FOSL2: variants seen among roughly 807,000 people sequenced by gnomAD.
The protein encoded by FOSL2 is FOS like 2, AP-1 transcription factor subunit.
A neutral mutation model predicts 27.7 loss-of-function variants in FOSL2; 3 were observed. The observed-to-expected ratio is 0.11, with a 90% CI of 0.05 to 0.28. The LOEUF (loss-of-function observed/expected upper bound fraction) is 0.28, where lower values mean the gene tolerates loss of function less well. FOSL2 is among the 10% of genes least tolerant of loss of function. The pLI is 1.00. For synonymous variants in FOSL2, 179 were observed against 190.1 expected (o/e 0.94, Z 0.48); for missense variants, 333 against 445.1 (o/e 0.75, Z 2.27).
At chr2:28,398,307 TC>T (rs1163058562) in intron 1 of FOSL2, among the ~76,000 whole-genome samples, 1 of 152,200 alleles carries the variant, frequency 6.6e-6, no homozygotes, top group Non-Finnish European at 1.5e-5. Context: ...CCTTCTCCAC[TC>T]CCTGGGCCAG....
intron 1 of FOSL2, among the ~76,000 whole-genome samples, chr2:28,403,064 C>CA (rs1664007442): frequency 6.6e-6 from 1 of 152,120 alleles, no homozygotes; most frequent in Non-Finnish European, 1.5e-5. Flanking sequence ...TATGTGGACA[C>CA]AGGAGTCATC....
At chr2:28,411,793 C>T in intron 3 of FOSL2, 137 bp from the exon 4 acceptor site, 1 of 850,644 alleles carries the variant, frequency 1.2e-6, no homozygotes, top group Non-Finnish European at 1.9e-6. Flanking sequence ...CTGAGAGACT[C>T]AGACCAGCGG....
chr2:28,406,508 T>G (rs938010703), intron 2 of FOSL2, among the ~76,000 whole-genome samples: 1 of 152,162 alleles, frequency 6.6e-6, no homozygotes, highest in Non-Finnish European at 1.5e-5. Flanking sequence ...AAGGGCCCTG[T>G]TAGAGTCTCA....
rs1023471385 is a variant in FOSL2, at chr2:28,392,892, C to G, written c.-829C>G. ...CATCTCGGGCAGAGCGCTAGGGCTC[C>G]GAGCGAACCAGCGAGCGAGCGAACG... On this transcript the variant is annotated 5_prime_UTR_variant, in exon 1 of 4. Transcript: ENST00000264716. 2 of 714,290 alleles carry G rather than the reference C, an allele frequency of 2.8e-6. No individual in the cohort carries two copies. Among genetic ancestry groups the G allele is most frequent in the African/African-American group, 1.8e-5 (1 of 57,034 alleles). The allele number at this position is 714,290 out of a possible 1,614,324, so 44.2% of individuals were successfully genotyped here.
At chr2:28,399,852 A>G (rs981160108) in intron 1 of FOSL2, among the ~76,000 whole-genome samples, 5 of 152,140 alleles carry the variant, frequency 3.3e-5, no homozygotes, top group Non-Finnish European at 5.9e-5. Context: ...ATTTGTTTAC[A>G]TGTTATCTAG....
intron 1 of FOSL2, chr2:28,396,805 C>CACACACACACACACACACACACAA (rs1663848679): frequency 6.7e-6 from 1 of 149,008 alleles, no homozygotes; most frequent in African/African-American, 2.5e-5. Context: ...CACACACACA[C>CACACACACACACACACACACACAA]ACACACACAC....
intron 2 of FOSL2, among the ~76,000 whole-genome samples, chr2:28,405,515 G>A (rs1664057957): frequency 6.6e-6 from 1 of 152,178 alleles, no homozygotes; most frequent in Non-Finnish European, 1.5e-5. Flanking sequence ...GATCCCCAGG[G>A]CCACAATGTT....
chr2:28,408,716 C>T lies in FOSL2; in HGVS notation c.355-43C>T. Reference sequence around the variant, plus strand: ...ACAGTTTTTAAAAAATACTGTGAACCATTGTCTCTGTTCTAACCATGATCC... The same window carrying T: ...ACAGTTTTTAAAAAATACTGTGAACTATTGTCTCTGTTCTAACCATGATCC... On this transcript the variant is annotated intron_variant, in intron 2 of 3. Transcript: ENST00000264716. The surrounding 1 kb of genome is among the most constrained non-coding windows in gnomAD (Gnocchi z 4.1). The T allele has an allele frequency of 7.3e-7, 1 of 1,373,712 alleles. No homozygotes were observed. Among genetic ancestry groups the T allele is most frequent in the South Asian group, 1.3e-5 (1 of 76,662 alleles). 85.1% of individuals were successfully genotyped at this position (1,373,712 alleles called of 1,614,324 possible).
chr2:28,401,613 G>A (rs1663975342), intron 1 of FOSL2, among the ~76,000 whole-genome samples: 1 of 152,112 alleles, frequency 6.6e-6, no homozygotes, highest in Non-Finnish European at 1.5e-5. Flanking sequence ...GGGACTTGGT[G>A]CTTCTACACA....
Position 28,393,772 on chromosome 2 carries a change from G to A in FOSL2, c.52G>A (p.Gly18Ser). 6.2e-7 allele frequency: 1 copy of A among 1,609,182 alleles called. No individual in the cohort carries two copies. The highest frequency in any genetic ancestry group is 8.5e-7 in the Non-Finnish European group (1 of 1,178,306). Reference protein sequence around the residue: ...NFDTSSRGSSGSPAHAESYSS... With the variant: ...NFDTSSRGSSSSPAHAESYSS... ...TGACACCTCGTCCCGGGGCAGCAGC[G>A]GCTCTCCTGCGCACGCCGAGTCCTA... The change falls in exon 1 of 4, where the codon GGC (glycine) becomes AGC (serine). Residue 18 changes from glycine to serine, a missense_variant. By Grantham distance (56) the Gly-to-Ser change is moderately conservative (BLOSUM62 0). Around this residue, in one of 4 missense-constraint regions of FOSL2, gnomAD observed 131 missense variants for 157.9 expected, o/e 0.83. Coordinates refer to ENST00000264716, the MANE Select transcript of FOSL2 (RefSeq NM_005253.4). This position sits in a 1 kb window ranked among gnomAD's most constrained non-coding sequence, Gnocchi z 4.6.
Position 28,404,806 on chromosome 2 carries a change from G to A in FOSL2, c.354+448G>A, listed in dbSNP as rs549467150. ...CAGGCCAGGCACCCAGCAGACCTAC[G>A]GGGTCAAGCTCTGGGTCGGTACTGC... is the stretch of plus-strand genomic sequence containing the variant. On this transcript the variant is annotated intron_variant, in intron 2 of 3. Coordinates refer to ENST00000264716, the MANE Select transcript of FOSL2 (RefSeq NM_005253.4). The surrounding 1 kb of genome is among the most constrained non-coding windows in gnomAD (Gnocchi z 4.7). Among the ~76,000 whole-genome samples the A allele has an allele frequency of 3.3e-5, 5 of 152,268 alleles. No homozygotes were observed. The highest frequency in any genetic ancestry group is 3.9e-4 in the East Asian group (2 of 5,174).
intron 1 of FOSL2, chr2:28,396,929 A>G (rs1415353785): frequency 2.0e-5 from 3 of 151,974 alleles, no homozygotes; most frequent in African/African-American, 4.8e-5. Flanking sequence ...GTGATTCCCA[A>G]GCTAGCCTCA....
At position 28,412,245 on chromosome 2, in the gene FOSL2, C is replaced by T; in HGVS notation, c.778C>T (p.Pro260Ser). The change falls in exon 4 of 4, where the codon CCC becomes TCC. Residue 260 changes from proline (P) to serine (S), a missense_variant. Around this residue, in one of 4 missense-constraint regions of FOSL2, gnomAD observed 136 missense variants for 123.7 expected, o/e 1.10. Coordinates refer to ENST00000264716, the MANE Select transcript of FOSL2 (RefSeq NM_005253.4). The surrounding 1 kb of genome is among the most constrained non-coding windows in gnomAD (Gnocchi z 7.1). ...TGCTGGGGGCTTCTACGGTGAGGAG[C>T]CCCTGCACACCCCCATCGTGGTGAC... ...SIAGGFYGEE[P>S]LHTPIVVTST... The T allele has an allele frequency of 6.2e-7, 1 of 1,613,922 alleles. No homozygotes were observed. Among genetic ancestry groups the T allele is most frequent in the South Asian group, 1.1e-5 (1 of 91,078 alleles).
In FOSL2 at chr2:28,393,819, G is replaced by A. The variant is rs1243410181; in HGVS notation, c.99G>A (p.Gln33=). ...AESYSSGGGG[Q]QKFRVDMPGS... is the part of the protein sequence containing the mutation. Reference sequence around the variant, plus strand: ...CCTACTCCAGCGGCGGCGGCGGCCAGCAGGTAGGTGCGGGCCCCGGTGCAC... The same window carrying A: ...CCTACTCCAGCGGCGGCGGCGGCCAACAGGTAGGTGCGGGCCCCGGTGCAC... The change falls in exon 1 of 4, where the codon CAG becomes CAA. Residue 33 remains glutamine (Q), a synonymous_variant. Coordinates refer to ENST00000264716, the MANE Select transcript of FOSL2 (RefSeq NM_005253.4). This position sits in a 1 kb window ranked among gnomAD's most constrained non-coding sequence, Gnocchi z 4.6. The A allele has an allele frequency of 6.3e-7, 1 of 1,592,616 alleles. No individual in the cohort carries two copies. The highest frequency in any genetic ancestry group is 1.7e-5 in the Admixed American group (1 of 57,688).
chr2:28,407,936 T>C (rs1664117243), intron 2 of FOSL2, among the ~76,000 whole-genome samples: 1 of 152,244 alleles, frequency 6.6e-6, no homozygotes, highest in Non-Finnish European at 1.5e-5. Flanking sequence ...CTAAGCTCTT[T>C]GCAGGGGAAT....
Position 28,413,054 on chromosome 2 carries a change from A to AC in FOSL2, c.*607dup, listed in dbSNP as rs1664236497. On this transcript the variant is annotated 3_prime_UTR_variant, in exon 4 of 4. Coordinates refer to ENST00000264716, the MANE Select transcript of FOSL2 (RefSeq NM_005253.4). The stretch of plus-strand genomic sequence containing the variant: ...GCAATACAGAGCCTTCCCTACCCTG[A>AC]CGCCTCCCAGTCATCATCTCCAGAA... 6.2e-6 allele frequency: 1 copy of AC among 162,184 alleles called. No homozygotes were observed. Among genetic ancestry groups the AC allele is most frequent in the Non-Finnish European group, 1.3e-5 (1 of 75,338 alleles). The allele number at this position is 162,184 out of a possible 1,614,324, so 10.0% of individuals were successfully genotyped here.
chr2:28,403,472 G>A (rs1664015377), intron 1 of FOSL2, among the ~76,000 whole-genome samples: 1 of 152,192 alleles, frequency 6.6e-6, no homozygotes, highest in African/African-American at 2.4e-5. Context: ...GGAGGGACAA[G>A]GACAGCAAGG....
chr2:28,404,430 T>C lies in FOSL2; in HGVS notation c.354+72T>C, dbSNP rs1572490125. 1 of 1,532,274 alleles carries C rather than the reference T, an allele frequency of 6.5e-7. No homozygotes were observed. Among genetic ancestry groups the C allele is most frequent in the East Asian group, 2.3e-5 (1 of 44,212 alleles). 94.9% of individuals were successfully genotyped at this position (1,532,274 alleles called of 1,614,324 possible). On this transcript the variant is annotated intron_variant, in intron 2 of 3. Transcript: ENST00000264716. This position sits in a 1 kb window ranked among gnomAD's most constrained non-coding sequence, Gnocchi z 4.7. ...GCCCCAGAAACACAGAACGGGTTTC[T>C]GCAGACTGGGAGGGTTAATGTTCTG...
At chr2:28,397,537 G>A (rs773733539) in intron 1 of FOSL2, among the ~76,000 whole-genome samples, 1 of 152,194 alleles carries the variant, frequency 6.6e-6, no homozygotes, top group Non-Finnish European at 1.5e-5. Flanking sequence ...TGAAATAGCA[G>A]TCATGTATTG....
Sources: allele counts gnomAD v4.1 joint callset (sites outside exome capture counted in the v4.1 genomes callset), GRCh38; gene constraint gnomAD v4.1.1; regional missense constraint gnomAD v4.1.1; non-coding constraint Gnocchi (gnomAD v3.1); transcripts MANE v1.5; gene names NCBI Gene and HGNC (gene_info 2026-07-23, HGNC 2026-07-21).